The following ZIM3 variants were observed in gnomAD, a reference collection of about 807,000 sequenced individuals.
ZIM3 encodes zinc finger imprinted 3.
ZIM3 carries 11 observed loss-of-function variants against 12.9 expected under a neutral mutation model. The observed-to-expected ratio is 0.85, with a 90% CI of 0.54 to 1.41. The LOEUF is 1.41. Ranked by LOEUF, ZIM3 falls within the 40% of genes most tolerant of loss-of-function variation. ZIM3 has a pLI of 0.00. For missense variants in ZIM3, 604 were observed against 557.2 expected (o/e 1.08, Z -0.85); for synonymous variants, 205 against 198.5 (o/e 1.03, Z -0.28).
At chr19:57,139,108 CCT>C (rs1163895028) in intron 2 of ZIM3, among the ~76,000 whole-genome samples, 1 of 152,076 alleles carries the variant, frequency 6.6e-6, no homozygotes, top group East Asian at 1.9e-4. Flanking sequence ...GGGTGGATCA[CCT>C]GAGGTCAGGA....
Position 57,136,869 on chromosome 19 carries a change from C to A in ZIM3, c.241+4G>T. 6.2e-7 allele frequency: 1 copy of A among 1,613,944 alleles called. No homozygotes were observed. The highest frequency in any genetic ancestry group is 1.6e-4 in the Middle Eastern group (1 of 6,062). ...TGACCCACAGTGCTCTCCTGGTCAC[C>A]TACCTGCACGGCCACTTCCCAGCAC... On this transcript the variant is annotated splice_donor_region_variant and intron_variant, in intron 4 of 4. Transcript: ENST00000269834.
At chr19:57,144,436 T>C (rs78500647) in intron 1 of ZIM3, among the ~76,000 whole-genome samples, 11,311 of 151,590 alleles carry the variant, frequency 0.075, 796 homozygotes, top group East Asian at 0.39. Flanking sequence ...GTTTGAGGAG[T>C]CCAATTCTAG....
intron 3 of ZIM3, among the ~76,000 whole-genome samples, chr19:57,137,748 C>T (rs1038787147): frequency 6.8e-6 from 1 of 147,224 alleles, no homozygotes; most frequent in Non-Finnish European, 1.5e-5. Context: ...ATGATTGCAC[C>T]ACTGCACTCC....
chr19:57,134,916 TC>T lies in ZIM3; in HGVS notation c.*1del. 1 of 1,603,196 alleles carries T rather than the reference TC, an allele frequency of 6.2e-7. No homozygotes were observed. Among genetic ancestry groups the T allele is most frequent in the Non-Finnish European group, 8.5e-7 (1 of 1,174,462 alleles). On this transcript the variant is annotated 3_prime_UTR_variant, in exon 5 of 5. Transcript: ENST00000269834. ...CCATGTTTTTTTAAGTGCATGGGGCTCCTATCTGGAGTGAATTCTTTTCTGG... is the reference window on the plus strand; with the variant it reads ...CCATGTTTTTTTAAGTGCATGGGGCTCTATCTGGAGTGAATTCTTTTCTGG...
rs762395054 is a variant in ZIM3 at position 57,136,081 on chromosome 19, T to C, written c.256A>G (p.Ile86Val). The stretch of plus-strand genomic sequence containing the variant: ...TTTGGCTTCCAAATCTGCCCTCCAA[T>C]GTCCCCATTTTTTTCTAAAATGGAA... ...GSGRAEKNGD[I>V]GGQIWKPKDV... The change falls in exon 5 of 5, where the codon ATT (isoleucine) becomes GTT (valine). Residue 86 changes from isoleucine (I) to valine (V), a missense_variant. Ile to Val is a conservative substitution (Grantham distance 29). Coordinates refer to ENST00000269834, the MANE Select transcript of ZIM3 (RefSeq NM_052882.1). 7 of 1,604,290 alleles carry C rather than the reference T, an allele frequency of 4.4e-6. No homozygotes were observed. The highest frequency in any genetic ancestry group is 2.2e-5 in the East Asian group (1 of 44,788).
At chr19:57,142,231 C>T (rs1034195804) in intron 2 of ZIM3, among the ~76,000 whole-genome samples, 1 of 148,868 alleles carries the variant, frequency 6.7e-6, no homozygotes, top group Non-Finnish European at 1.5e-5. Context: ...GCAGCCTCAA[C>T]CTCCCAGGTT....
intron 1 of ZIM3, among the ~76,000 whole-genome samples, chr19:57,143,465 A>G (rs377570931): frequency 1.0e-3 from 157 of 152,256 alleles, no homozygotes; most frequent in African/African-American, 3.4e-3. Flanking sequence ...AGCAGAAACC[A>G]TGAATCCTGA....
chr19:57,144,696 C>T (rs2086929728), intron 1 of ZIM3, among the ~76,000 whole-genome samples, 163 bp downstream of exon 1: 1 of 151,800 alleles, frequency 6.6e-6, no homozygotes, highest in Admixed American at 6.6e-5. Flanking sequence ...CATCACTTTT[C>T]AATATGACAA....
At position 57,142,595 on chromosome 19, in the gene ZIM3, C is replaced by T. The variant is rs200006701; in HGVS notation, c.15+34G>A. 1.3e-3 allele frequency: 2,055 copies of T among 1,611,374 alleles called. 41 individuals carry two copies. The South Asian group carries it at 0.022, about 17-fold the overall frequency. On this transcript the variant is annotated intron_variant, in intron 2 of 4. Transcript: ENST00000269834. ...GAGGAACGTGGGTCATACGTTTATT[C>T]ATTATGAGATTTAGATTTTTTTGAA... is the stretch of plus-strand genomic sequence containing the variant.
chr19:57,140,661 A>G (rs374371297), intron 2 of ZIM3, among the ~76,000 whole-genome samples: 16 of 151,734 alleles, frequency 1.1e-4, no homozygotes, highest in Admixed American at 7.9e-4. Flanking sequence ...ATTTGTAGAC[A>G]GGGTCTCACT....
rs763024085 is a variant in ZIM3, at chr19:57,135,088, TCTCTC to T, written c.1244_1248del (p.Gly415GlufsTer4). On this transcript the variant is annotated frameshift_variant, in exon 5 of 5. Transcript: ENST00000269834. LOFTEE classifies it low-confidence loss of function (END_TRUNC). ...CCACATTCACTACATCTATAGGTCC[TCTCTC>T]CGCTATGAGTTTTCTGATGGCTATG... 2 of 1,614,224 alleles carry T rather than the reference TCTCTC, an allele frequency of 1.2e-6. No individual in the cohort carries two copies. The highest frequency in any genetic ancestry group is 1.7e-6 in the Non-Finnish European group (2 of 1,180,026).
chr19:57,136,127 A>G (rs2122661254), intron 4 of ZIM3, 32 bp from the exon 5 acceptor site: 1 of 1,562,100 alleles, frequency 6.4e-7, no homozygotes, highest in South Asian at 1.2e-5. Context: ...TGTCCTGTGT[A>G]AAACGTTCCA....
At chr19:57,140,555 G>C (rs542537656) in intron 2 of ZIM3, among the ~76,000 whole-genome samples, 32 of 151,774 alleles carry the variant, frequency 2.1e-4, no homozygotes, top group African/African-American at 7.7e-4. Flanking sequence ...GCTCACTGCA[G>C]CCTCAACCTC....
rs2086880426 is a variant in ZIM3 at position 57,135,252 on chromosome 19, G to A, written c.1085C>T (p.Ala362Val). 1 of 1,614,078 alleles carries A rather than the reference G, an allele frequency of 6.2e-7. No homozygotes were observed. Among genetic ancestry groups the A allele is most frequent in the Non-Finnish European group, 8.5e-7 (1 of 1,180,018 alleles). The change falls in exon 5 of 5, where the codon GCT (alanine) becomes GTT (valine). Residue 362 changes from alanine (A) to valine (V), a missense_variant. Ala to Val is a moderately conservative substitution (Grantham distance 64). Coordinates refer to ENST00000269834, the MANE Select transcript of ZIM3 (RefSeq NM_052882.1). ...DHEKIHTGKR[A>V]YECDLCGNTF... ...ATTTCCACATAGATCACACTCATAA[G>A]CTCTCTTCCCAGTGTGAATTTTCTC...
rs112531153 is a variant in ZIM3 at position 57,134,950 on chromosome 19, C to T, written c.1387G>A (p.Val463Ile). 467 of 1,613,118 alleles carry T rather than the reference C, an allele frequency of 2.9e-4. 2 individuals are homozygous for T. The African/African-American group carries it at 5.0e-3, about 17-fold the overall frequency. Residue 463 changes from valine (V) to isoleucine (I), a missense_variant, in exon 5 of 5, where the codon GTT becomes ATT. Transcript: ENST00000269834. Reference protein sequence around the residue: ...GKAFADRSYLVRHQKRIHSR With the variant: ...GKAFADRSYLIRHQKRIHSR ...GAGTGAATTCTTTTCTGGTGCCTAA[C>T]AAGGTATGACCTGTCAGCGAAGGCT...
chr19:57,141,820 C>A (rs900101289), intron 2 of ZIM3, among the ~76,000 whole-genome samples: 10 of 151,300 alleles, frequency 6.6e-5, no homozygotes, highest in African/African-American at 2.2e-4. Flanking sequence ...CACCACTATA[C>A]TCCAGCCTGG....
chr19:57,135,667 T>C lies in ZIM3; in HGVS notation c.670A>G (p.Lys224Glu), dbSNP rs1410317860. Residue 224 changes from lysine (K) to glutamate (E), a missense_variant, in exon 5 of 5, where the codon AAA becomes GAA. Coordinates refer to ENST00000269834, the MANE Select transcript of ZIM3 (RefSeq NM_052882.1). Reference sequence around the variant, plus strand: ...TAGGCATTTCCACAGTTCTCACATTTATAGGGCCTTTCCTCTGCGTGAGTT... The same window carrying C: ...TAGGCATTTCCACAGTTCTCACATTCATAGGGCCTTTCCTCTGCGTGAGTT... ...QKTHAEERPY[K>E]CENCGNAYKQ... The C allele has an allele frequency of 6.2e-7, 1 of 1,612,832 alleles. No individual in the cohort carries two copies. Among genetic ancestry groups the C allele is most frequent in the Non-Finnish European group, 8.5e-7 (1 of 1,179,244 alleles).
rs1383971792 is a variant in ZIM3, at chr19:57,135,267, T to C, written c.1070A>G (p.His357Arg). The C allele has an allele frequency of 1.2e-6, 2 of 1,614,142 alleles. No homozygotes were observed. The highest frequency in any genetic ancestry group is 4.5e-5 in the East Asian group (2 of 44,864). ...ACACTCATAAGCTCTCTTCCCAGTG[T>C]GAATTTTCTCATGATCGATGACATT... Reference protein sequence around the residue: ...KSNVIDHEKIHTGKRAYECDL... With the variant: ...KSNVIDHEKIRTGKRAYECDL... Residue 357 changes from histidine (H) to arginine (R), a missense_variant, in exon 5 of 5, where the codon CAC becomes CGC. Coordinates refer to ENST00000269834, the MANE Select transcript of ZIM3 (RefSeq NM_052882.1).
intron 2 of ZIM3, among the ~76,000 whole-genome samples, chr19:57,141,851 CA>C (rs145561392): frequency 3.1e-4 from 45 of 146,734 alleles, no homozygotes; most frequent in East Asian, 6.0e-4. Context: ...GAGACTCCCT[CA>C]AAAAAAAAAA....
Sources: gnomAD v4.1 joint callset for allele counts (sites outside exome capture counted in the v4.1 genomes callset) on GRCh38, gnomAD v4.1.1 for gene constraint, MANE v1.5 for transcripts, NCBI Gene and HGNC (gene_info 2026-07-23, HGNC 2026-07-21) for gene names.